Variants in MYO5B observed in about 807,000 individuals in gnomAD.
MYO5B encodes the protein myosin VB, also known as unconventional myosin-Vb.
A neutral mutation model predicts 229.3 loss-of-function variants in MYO5B; 143 were observed. The observed-to-expected ratio is 0.62, with a 90% CI of 0.54 to 0.72. The LOEUF (loss-of-function observed/expected upper bound fraction) is 0.72, where lower values mean the gene tolerates loss of function less well. Ranked by LOEUF, MYO5B falls within the 30% of genes least tolerant of loss-of-function variation. The probability of loss-of-function intolerance (pLI) is 0.00; values close to 1 mark genes in which losing one functional copy is unlikely to be tolerated. For missense variants in MYO5B, 2,321 were observed against 2,331.0 expected (o/e 1.00, Z 0.09); for synonymous variants, 918 against 885.2 (o/e 1.04, Z -0.66).
rs563588598 is a variant in MYO5B at position 49,982,625 on chromosome 18, C to T, written c.947-2072G>A. ...AAAACAGGGGTTGGCAAACTATGGCCCACAGCCTGTTTTCATAACTAAGTT... is the reference window on the plus strand; with the variant it reads ...AAAACAGGGGTTGGCAAACTATGGCTCACAGCCTGTTTTCATAACTAAGTT... On this transcript the variant is annotated intron_variant, in intron 8 of 39. Transcript: ENST00000285039. 5.9e-5 allele frequency among the ~76,000 whole-genome samples: 9 copies of T among 152,238 alleles called. No individual in the cohort carries two copies. The South Asian group carries it at 1.9e-3, about 32-fold the overall frequency.
At chr18:50,148,482 C>A (rs892112957) in intron 1 of MYO5B, among the ~76,000 whole-genome samples, 37 of 152,002 alleles carry the variant, frequency 2.4e-4, no homozygotes, top group Admixed American at 2.0e-4. Context: ...AAAGCTTATC[C>A]GCCATGATCA....
At chr18:50,130,043 T>C (rs540517647) in intron 1 of MYO5B, among the ~76,000 whole-genome samples, 7 of 152,278 alleles carry the variant, frequency 4.6e-5, no homozygotes, top group Non-Finnish European at 8.8e-5. Context: ...GCACTCAGCA[T>C]GTTCAGCACA....
intron 26 of MYO5B, 99 bp from the exon 27 acceptor site, chr18:49,872,331 G>GTGAATACCCA: frequency 1.7e-6 from 2 of 1,172,536 alleles, no homozygotes; most frequent in Non-Finnish European, 2.6e-6. Context: ...CTGCCTGTGC[G>GTGAATACCCA]TGAATACCCA....
chr18:49,871,908 C>T (rs188124940), intron 27 of MYO5B, among the ~76,000 whole-genome samples: 1 of 152,288 alleles, frequency 6.6e-6, no homozygotes, highest in Admixed American at 6.5e-5. Flanking sequence ...TGATTTTTTT[C>T]CTAAGTGATT....
chr18:50,065,928 G>A (rs1303246035), intron 1 of MYO5B, among the ~76,000 whole-genome samples: 3 of 152,072 alleles, frequency 2.0e-5, no homozygotes. Flanking sequence ...AAGGAGGAGG[G>A]CTCGCTAAGG....
chr18:49,992,057 A>G (rs1157929994), intron 6 of MYO5B, among the ~76,000 whole-genome samples: 2 of 152,190 alleles, frequency 1.3e-5, no homozygotes, highest in African/African-American at 4.8e-5. Context: ...GAGGCATTCA[A>G]CGTTTGTTGA....
chr18:49,908,675 C>T (rs943089520), intron 18 of MYO5B, among the ~76,000 whole-genome samples: 8 of 152,206 alleles, frequency 5.3e-5, no homozygotes, highest in Admixed American at 3.9e-4. Context: ...AAGATTCAGG[C>T]TTGCACGACA....
intron 1 of MYO5B, among the ~76,000 whole-genome samples, chr18:50,118,826 G>A (rs1249583628): frequency 2.6e-5 from 4 of 151,980 alleles, no homozygotes; most frequent in South Asian, 2.1e-4. Flanking sequence ...GGGTTTCGCC[G>A]CGTTAGCCAG....
rs1010363181 is a variant in MYO5B at position 50,194,946 on chromosome 18, C to T, written c.-153G>A. The T allele has an allele frequency of 2.2e-5, 24 of 1,112,800 alleles. No individual in the cohort carries two copies. The highest frequency in any genetic ancestry group is 2.6e-5 in the Non-Finnish European group (23 of 888,320). 68.9% of individuals were successfully genotyped at this position (1,112,800 alleles called of 1,614,324 possible). A position where few individuals can be genotyped will look rare whatever the true frequency, so the allele number is the denominator to read the frequency against. ...ACCTGCCCCGCCGGCTTCCCGCAGGCGCCGCGGCCGGCTCGCTCCCGGCGG... is the reference window on the plus strand; with the variant it reads ...ACCTGCCCCGCCGGCTTCCCGCAGGTGCCGCGGCCGGCTCGCTCCCGGCGG... On this transcript the variant is annotated 5_prime_UTR_variant, in exon 1 of 40. Transcript: ENST00000285039.
At chr18:49,864,733 C>G (rs866474819) in intron 27 of MYO5B, among the ~76,000 whole-genome samples, 1 of 152,228 alleles carries the variant, frequency 6.6e-6, no homozygotes, top group African/African-American at 2.4e-5. Context: ...AGAATTCCTA[C>G]AATCTAAATA....
chr18:50,157,599 C>T (rs1450973065), intron 1 of MYO5B, among the ~76,000 whole-genome samples: 1 of 152,194 alleles, frequency 6.6e-6, no homozygotes, highest in Non-Finnish European at 1.5e-5. Flanking sequence ...CAACTCCAGC[C>T]AAGCCCTTTT....
intron 27 of MYO5B, among the ~76,000 whole-genome samples, chr18:49,870,199 TG>T (rs1206150080): frequency 2.6e-5 from 4 of 152,218 alleles, no homozygotes; most frequent in African/African-American, 9.6e-5. Context: ...TGGCCCTGGT[TG>T]TTTAAAAAGT....
chr18:49,985,438 GTGTCT>G (rs2025860611), intron 7 of MYO5B, among the ~76,000 whole-genome samples: 1 of 152,178 alleles, frequency 6.6e-6, no homozygotes, highest in African/African-American at 2.4e-5. Flanking sequence ...GGCCCAGGTG[GTGTCT>G]TAAAATTCAG....
intron 39 of MYO5B, among the ~76,000 whole-genome samples, chr18:49,829,862 T>C (rs748559841): frequency 7.9e-5 from 12 of 152,158 alleles, no homozygotes; most frequent in Non-Finnish European, 1.5e-4. Flanking sequence ...TCTCAATCGA[T>C]GGAGAAAAGC....
At chr18:50,150,679 G>A (rs9789203) in intron 1 of MYO5B, among the ~76,000 whole-genome samples, 24,099 of 152,156 alleles carry the variant, frequency 0.16, 2,020 homozygotes, top group East Asian at 0.24. Flanking sequence ...TCTGGGGACT[G>A]TTGTGGGATT....
At chr18:50,033,666 A>C (rs2026415507) in intron 4 of MYO5B, among the ~76,000 whole-genome samples, 1 of 152,194 alleles carries the variant, frequency 6.6e-6, no homozygotes, top group Admixed American at 6.5e-5. Context: ...GAGGAGTAGA[A>C]AGCACACAGC....
intron 1 of MYO5B, among the ~76,000 whole-genome samples, chr18:50,079,221 T>TAC (rs1174974650): frequency 1.3e-5 from 2 of 152,248 alleles, no homozygotes; most frequent in African/African-American, 2.4e-5. Context: ...ATATAAATCT[T>TAC]ACTTCAATAA....
chr18:50,155,607 C>A (rs1315316804), intron 1 of MYO5B, among the ~76,000 whole-genome samples: 1 of 152,204 alleles, frequency 6.6e-6, no homozygotes, highest in Non-Finnish European at 1.5e-5. Flanking sequence ...AATTGTTTTG[C>A]CCGGCACTCC....
At chr18:50,033,918 G>A (rs887310834) in intron 4 of MYO5B, among the ~76,000 whole-genome samples, 4 of 151,118 alleles carry the variant, frequency 2.6e-5, no homozygotes, top group Admixed American at 2.0e-4. Context: ...CTCTTGGGGG[G>A]TGGGTATGGG....
Sources: allele counts gnomAD v4.1 joint callset (sites outside exome capture counted in the v4.1 genomes callset), GRCh38; gene constraint gnomAD v4.1.1; transcripts MANE v1.5; gene names NCBI Gene and HGNC (gene_info 2026-07-23, HGNC 2026-07-21).